RORB: variants seen among roughly 807,000 people sequenced by gnomAD.
RORB encodes RAR related orphan receptor B.
Under a neutral mutation model 59.1 loss-of-function variants are expected in RORB, and 6 were observed. That is an observed-to-expected ratio of 0.10 (90% CI 0.06 to 0.20). The LOEUF (loss-of-function observed/expected upper bound fraction) is 0.20, where lower values mean the gene tolerates loss of function less well. RORB is among the 10% of genes least tolerant of loss of function. The pLI, the probability that RORB is intolerant of heterozygous loss-of-function variation, is 1.00. For synonymous variants in RORB, 215 were observed against 204.5 expected, an observed-to-expected ratio of 1.05 and a Z score of -0.44; for missense variants, 320 against 560.5, an observed-to-expected ratio of 0.57 and a Z score of 4.33.
intron 9 of RORB, among the ~76,000 whole-genome samples, 181 bp downstream of exon 9, chr9:74,672,082 A>C (rs1317111686): frequency 6.6e-6 from 1 of 152,208 alleles, no homozygotes; most frequent in Non-Finnish European, 1.5e-5. Flanking sequence ...GATTGCAAGA[A>C]GGGCTTTCTT....
At chr9:74,656,801 G>T (rs1391952718) in intron 4 of RORB, among the ~76,000 whole-genome samples, 1 of 152,058 alleles carries the variant, frequency 6.6e-6, no homozygotes, top group African/African-American at 2.4e-5. Flanking sequence ...ACTTCGGTTG[G>T]TTACCAGTTA....
chr9:74,545,450 T>C (rs780559660), intron 1 of RORB, among the ~76,000 whole-genome samples: 4 of 152,218 alleles, frequency 2.6e-5, no homozygotes, highest in Non-Finnish European at 4.4e-5. Context: ...ACATTATCAT[T>C]GCTAACTCAT....
intron 4 of RORB, among the ~76,000 whole-genome samples, chr9:74,658,152 A>G (rs1369860559): frequency 1.3e-5 from 2 of 152,046 alleles, no homozygotes; most frequent in Non-Finnish European, 2.9e-5. Flanking sequence ...TCTGCTGTCC[A>G]GTTCTTAAGG....
chr9:74,577,405 C>T (rs1822652414), intron 1 of RORB, among the ~76,000 whole-genome samples: 1 of 152,068 alleles, frequency 6.6e-6, no homozygotes, highest in African/African-American at 2.4e-5. Context: ...TACTTAGTTT[C>T]CTTTGCTCTT....
chr9:74,648,257 C>A (rs1261661176), intron 4 of RORB, among the ~76,000 whole-genome samples: 3 of 152,306 alleles, frequency 2.0e-5, no homozygotes, highest in South Asian at 4.1e-4. Flanking sequence ...CCACCCCAAC[C>A]ACACACCCTT....
At chr9:74,554,830 T>C (rs931882295) in intron 1 of RORB, among the ~76,000 whole-genome samples, 2 of 152,160 alleles carry the variant, frequency 1.3e-5, no homozygotes, top group African/African-American at 4.8e-5. Flanking sequence ...CAGTCCCCAC[T>C]AAAAAGATAT....
At chr9:74,636,199 G>T (rs542214540) in intron 3 of RORB, among the ~76,000 whole-genome samples, 1 of 152,088 alleles carries the variant, frequency 6.6e-6, no homozygotes, top group Non-Finnish European at 1.5e-5. Flanking sequence ...TACTTATTTC[G>T]TGTAATTATA....
chr9:74,652,744 A>C (rs1356397986), intron 4 of RORB, among the ~76,000 whole-genome samples: 1 of 152,272 alleles, frequency 6.6e-6, no homozygotes, highest in East Asian at 1.9e-4. Flanking sequence ...CATGTAAAGG[A>C]GATTGAAAGC....
rs1824000109 is a variant in RORB, at chr9:74,651,963, A to C, written c.638-8654A>C. On this transcript the variant is annotated intron_variant, in intron 4 of 9. Coordinates refer to ENST00000376896, the MANE Select transcript of RORB (RefSeq NM_006914.4). The stretch of plus-strand genomic sequence containing the variant: ...CAATACAGCAAAATGCTTCTGATCC[A>C]AAACAGCTTTCTGTTGTTAAATAAA... 2.0e-5 allele frequency among the ~76,000 whole-genome samples: 3 copies of C among 152,248 alleles called. No homozygotes were observed. The South Asian group carries it at 6.2e-4, about 32-fold the overall frequency.
rs145726239 is a variant in RORB at position 74,607,165 on chromosome 9, T to C, written c.8-23117T>C. On this transcript the variant is annotated intron_variant, in intron 1 of 9. Transcript: ENST00000376896. The stretch of plus-strand genomic sequence containing the variant: ...TACTACCATCACCCATGACACCAAA[T>C]AATAGAAGTCTTCATCACATATGGG... 5.0e-3 allele frequency among the ~76,000 whole-genome samples: 759 copies of C among 152,332 alleles called. 7 individuals carry two copies. Among genetic ancestry groups the C allele is most frequent in the African/African-American group, 0.017 (727 of 41,580 alleles).
intron 1 of RORB, among the ~76,000 whole-genome samples, chr9:74,515,707 A>G (rs1274287836): frequency 6.6e-6 from 1 of 152,058 alleles, no homozygotes; most frequent in Non-Finnish European, 1.5e-5. Context: ...ATAATGTTTC[A>G]AAATAACAGA....
intron 1 of RORB, among the ~76,000 whole-genome samples, chr9:74,600,017 C>T (rs933079399): frequency 6.6e-6 from 1 of 152,168 alleles, no homozygotes; most frequent in African/African-American, 2.4e-5. Context: ...ATCTCCTGCC[C>T]AGACTTATAT....
intron 8 of RORB, among the ~76,000 whole-genome samples, chr9:74,669,982 A>G (rs1228275627): frequency 6.6e-6 from 1 of 152,040 alleles, no homozygotes; most frequent in Non-Finnish European, 1.5e-5. Flanking sequence ...TAACCACTTT[A>G]TCAAAAATGG....
intron 9 of RORB, among the ~76,000 whole-genome samples, chr9:74,673,023 ACATTTTGTTAAAATTAACG>A (rs1349919112): frequency 1.3e-4 from 20 of 152,204 alleles, no homozygotes; most frequent in Non-Finnish European, 2.9e-5. Flanking sequence ...CATTATGGTA[ACATTTTGTTAAAATTAACG>A]CATCACTAGC....
chr9:74,635,101 A>G (rs532992368), intron 3 of RORB, among the ~76,000 whole-genome samples: 2 of 152,284 alleles, frequency 1.3e-5, no homozygotes, highest in Non-Finnish European at 1.5e-5. Context: ...TGAGACTTTC[A>G]GAGATAATAC....
intron 9 of RORB, among the ~76,000 whole-genome samples, chr9:74,683,201 C>A (rs7027406): frequency 6.6e-6 from 1 of 152,166 alleles, no homozygotes; most frequent in Non-Finnish European, 1.5e-5. Flanking sequence ...TTGTAGAAAG[C>A]GTTCAAAGCC....
At chr9:74,514,533 T>C (rs1825982650) in intron 1 of RORB, among the ~76,000 whole-genome samples, 1 of 151,980 alleles carries the variant, frequency 6.6e-6, no homozygotes, top group African/African-American at 2.4e-5. Context: ...GATATATGTC[T>C]TATTGAACTT....
intron 4 of RORB, among the ~76,000 whole-genome samples, chr9:74,645,021 G>A (rs895556926): frequency 6.6e-6 from 1 of 152,000 alleles, no homozygotes. Context: ...AAATAAACTC[G>A]CGTATATTTT....
chr9:74,511,836 A>G (rs867466683), intron 1 of RORB, among the ~76,000 whole-genome samples: 2 of 151,056 alleles, frequency 1.3e-5, no homozygotes, highest in Admixed American at 6.6e-5. Flanking sequence ...TTTATCAAGG[A>G]TCTATTATGC....
Sources: allele counts gnomAD v4.1 joint callset (sites outside exome capture counted in the v4.1 genomes callset), GRCh38; gene constraint gnomAD v4.1.1; transcripts MANE v1.5; gene names NCBI Gene and HGNC (gene_info 2026-07-23, HGNC 2026-07-21).